The following ALG11 variants were observed in gnomAD, a reference collection of about 807,000 sequenced individuals.
The protein encoded by ALG11 is GDP-Man:Man(3)GlcNAc(2)-PP-Dol alpha-1,2-mannosyltransferase.
A neutral mutation model predicts 38.8 loss-of-function variants in ALG11; 26 were observed. The ratio of observed to expected loss-of-function variants is 0.67; its 90% CI spans 0.49 to 0.93. The LOEUF (loss-of-function observed/expected upper bound fraction) is 0.93, where lower values mean the gene tolerates loss of function less well. ALG11 is among the 40% of genes least tolerant of loss of function. The probability of loss-of-function intolerance (pLI) is 0.00; values close to 1 mark genes in which losing one functional copy is unlikely to be tolerated. For missense variants in ALG11, 535 were observed against 578.8 expected, an observed-to-expected ratio of 0.92 and a Z score of 0.78; for synonymous variants, 199 against 211.6, an observed-to-expected ratio of 0.94 and a Z score of 0.52.
intron 1 of ALG11, among the ~76,000 whole-genome samples, chr13:52,018,110 C>T (rs1042375895): frequency 6.6e-6 from 1 of 152,172 alleles, no homozygotes; most frequent in Non-Finnish European, 1.5e-5. Context: ...CATCTGAAGA[C>T]GTAATAAACT....
chr13:52,013,836 T>G lies in ALG11; in HGVS notation c.44+1374T>G, dbSNP rs563243193. On this transcript the variant is annotated intron_variant, in intron 1 of 3. Transcript: ENST00000521508. The stretch of plus-strand genomic sequence containing the variant: ...TGGACCATGCAGGTCCCAAGGCCCT[T>G]CAATGGATCCTCAACAAATCTGTTT... Among the ~76,000 whole-genome samples, 397 of 152,358 alleles carry G rather than the reference T, an allele frequency of 2.6e-3. 3 individuals carry two copies. Among genetic ancestry groups the G allele is most frequent in the South Asian group, 6.0e-3 (29 of 4,828 alleles).
chr13:52,029,077 G>C lies in ALG11; in HGVS notation c.*487G>C. 1 of 1,614,224 alleles carries C rather than the reference G, an allele frequency of 6.2e-7. No individual in the cohort carries two copies. On this transcript the variant is annotated 3_prime_UTR_variant, in exon 4 of 4. Transcript: ENST00000521508. ...AGCTGGGCCTTGCAGATCTGCTTGA[G>C]CCCGTTAAAACTTCATCTTCTTTGG...
In ALG11 at chr13:52,031,634, T is replaced by C. The variant is rs1954306718; in HGVS notation, c.*3044T>C. The C allele has an allele frequency of 5.8e-6, 1 of 171,708 alleles. No individual in the cohort carries two copies. The highest frequency in any genetic ancestry group is 1.9e-4 in the South Asian group (1 of 5,274). 10.6% of individuals were successfully genotyped at this position (171,708 alleles called of 1,614,324 possible). ...CATTCAAGAGAACCTCAGGCTGTTT[T>C]TCTGACAGTGATGATATGATATACA... On this transcript the variant is annotated 3_prime_UTR_variant, in exon 4 of 4. Coordinates refer to ENST00000521508, the MANE Select transcript of ALG11 (RefSeq NM_001004127.3).
intron 3 of ALG11, among the ~76,000 whole-genome samples, chr13:52,027,725 G>A (rs1475339726): frequency 6.6e-6 from 1 of 152,182 alleles, no homozygotes; most frequent in Non-Finnish European, 1.5e-5. Flanking sequence ...AGAAATCCAG[G>A]CAGTAACATA....
chr13:52,029,128 A>G lies in ALG11; in HGVS notation c.*538A>G. 1 of 1,614,224 alleles carries G rather than the reference A, an allele frequency of 6.2e-7. No homozygotes were observed. The highest frequency in any genetic ancestry group is 8.5e-7 in the Non-Finnish European group (1 of 1,180,038). On this transcript the variant is annotated 3_prime_UTR_variant, in exon 4 of 4. Transcript: ENST00000521508. ...CCACTGTAAAAAAGCAACTGAATAG[A>G]GTCAAATCAAAGAAGGTGGTGGAGT...
intron 2 of ALG11, 137 bp downstream of exon 2, chr13:52,019,280 G>GT: frequency 1.3e-6 from 1 of 779,578 alleles, no homozygotes; most frequent in Non-Finnish European, 1.9e-6. Flanking sequence ...GGAGTGCAGT[G>GT]GCACGATGTC....
chr13:52,016,160 C>G (rs1490346531), intron 1 of ALG11: 1 of 152,288 alleles, frequency 6.6e-6, no homozygotes, highest in Non-Finnish European at 1.5e-5. Context: ...GAACTTTGAA[C>G]TTGAAAGAGA....
In ALG11 at chr13:52,024,273, G is replaced by A. The variant is rs41292788; in HGVS notation, c.543G>A (p.Thr181=). Residue 181 remains threonine (T), a synonymous_variant, in exon 3 of 4, where the codon ACG becomes ACA. Coordinates refer to ENST00000521508, the MANE Select transcript of ALG11 (RefSeq NM_001004127.3). The stretch of plus-strand genomic sequence containing the variant: ...TTGATTCAATGGGATACGCTTTTAC[G>A]CTTCCTCTGTTTAAGTATATAGGGG... ...VYIDSMGYAF[T]LPLFKYIGGC... is the part of the protein sequence containing the mutation. 169 of 1,614,058 alleles carry A rather than the reference G, an allele frequency of 1.0e-4. No individual in the cohort carries two copies. Among genetic ancestry groups the A allele is most frequent in the Non-Finnish European group, 1.2e-4 (142 of 1,180,022 alleles).
chr13:52,025,792 G>A (rs143316600), intron 3 of ALG11, among the ~76,000 whole-genome samples: 12 of 152,338 alleles, frequency 7.9e-5, no homozygotes, highest in Non-Finnish European at 1.2e-4. Context: ...TAGGGGAAAT[G>A]AGGATAACAT....
At position 52,029,297 on chromosome 13, in the gene ALG11, C is replaced by A. The variant is rs113030884; in HGVS notation, c.*707C>A. ...GGTTTTTCCCCTGGGGAAGGAGCAG[C>A]CAGCCATTGCTCCCATTGAACATGC... is the stretch of plus-strand genomic sequence containing the variant. On this transcript the variant is annotated 3_prime_UTR_variant, in exon 4 of 4. Transcript: ENST00000521508. The A allele has an allele frequency of 6.8e-6, 11 of 1,614,168 alleles. No individual in the cohort carries two copies. The African/African-American group carries it at 8.0e-5, about 12-fold the overall frequency.
At position 52,024,767 on chromosome 13, in the gene ALG11, G is replaced by A. The variant is rs144883776; in HGVS notation, c.1037G>A (p.Arg346His). ...SLKLVLIGGC[R>H]NKDDELRVNQ... ...AAACTTGTCCTCATTGGAGGTTGTCGTAACAAAGATGATGAACTTAGGGTA... is the reference window on the plus strand; with the variant it reads ...AAACTTGTCCTCATTGGAGGTTGTCATAACAAAGATGATGAACTTAGGGTA... The change falls in exon 3 of 4, where the codon CGT (arginine) becomes CAT (histidine). Residue 346 changes from arginine (R) to histidine (H), a missense_variant. Physicochemically the swap from Arg to His is conservative, Grantham distance 29 (BLOSUM62 0). Coordinates refer to ENST00000521508, the MANE Select transcript of ALG11 (RefSeq NM_001004127.3). 75 of 1,614,080 alleles carry A rather than the reference G, an allele frequency of 4.6e-5. No individual in the cohort carries two copies. Among genetic ancestry groups the A allele is most frequent in the South Asian group, 6.6e-5 (6 of 91,086 alleles).
In ALG11 at chr13:52,029,281, C is replaced by T. The variant is rs756521491; in HGVS notation, c.*691C>T. ...AGCAGGCAGAGCAGCTGGTTTTTCC[C>T]CTGGGGAAGGAGCAGCCAGCCATTG... On this transcript the variant is annotated 3_prime_UTR_variant, in exon 4 of 4. Coordinates refer to ENST00000521508, the MANE Select transcript of ALG11 (RefSeq NM_001004127.3). The T allele has an allele frequency of 5.0e-5, 81 of 1,614,026 alleles. No individual in the cohort carries two copies. Among genetic ancestry groups the T allele is most frequent in the Middle Eastern group, 1.6e-4 (1 of 6,084 alleles).
At position 52,028,411 on chromosome 13, in the gene ALG11, A is replaced by G; in HGVS notation, c.1300A>G (p.Ile434Val). 2.5e-6 allele frequency: 4 copies of G among 1,614,226 alleles called. No homozygotes were observed. The highest frequency in any genetic ancestry group is 3.4e-6 in the Non-Finnish European group (4 of 1,180,048). Residue 434 changes from isoleucine (I) to valine (V), a missense_variant, in exon 4 of 4, where the codon ATA (isoleucine) becomes GTA (valine). Ile to Val is a conservative substitution (Grantham distance 29). Transcript: ENST00000521508. ...CATTGTGGTTCCTCACGAAGGAGATATAACTGGCTTTCTGGCTGAGAGTGA... is the reference window on the plus strand; with the variant it reads ...CATTGTGGTTCCTCACGAAGGAGATGTAACTGGCTTTCTGGCTGAGAGTGA... ...LDIVVPHEGDITGFLAESEED... is the reference protein window; with the variant it reads ...LDIVVPHEGDVTGFLAESEED...
At chr13:52,018,007 C>G (rs1954149255) in intron 1 of ALG11, among the ~76,000 whole-genome samples, 1 of 152,148 alleles carries the variant, frequency 6.6e-6, no homozygotes, top group Non-Finnish European at 1.5e-5. Context: ...AAAGGATAGG[C>G]AGAGTATGAA....
rs1408501308 is a variant in ALG11, at chr13:52,032,569, C to A, written c.*3979C>A. 6.0e-6 allele frequency: 1 copy of A among 167,038 alleles called. No homozygotes were observed. The highest frequency in any genetic ancestry group is 2.4e-5 in the African/African-American group (1 of 41,458). The allele number at this position is 167,038 out of a possible 1,614,324, so 10.3% of individuals were successfully genotyped here. ...AAACGGTATATTATTTCTTTGCAGT[C>A]TCCTCTCAGTCATTCATCAATGTGG... On this transcript the variant is annotated 3_prime_UTR_variant, in exon 4 of 4. Coordinates refer to ENST00000521508, the MANE Select transcript of ALG11 (RefSeq NM_001004127.3).
At chr13:52,019,792 G>T (rs1205916524) in intron 2 of ALG11, among the ~76,000 whole-genome samples, 1 of 152,028 alleles carries the variant, frequency 6.6e-6, no homozygotes, top group African/African-American at 2.4e-5. Flanking sequence ...AATTATCTGG[G>T]CATGGTGATG....
chr13:52,025,080 G>C (rs1301389070), intron 3 of ALG11, 143 bp downstream of exon 3: 1 of 899,342 alleles, frequency 1.1e-6, no homozygotes, highest in Admixed American at 2.0e-5. Flanking sequence ...CCTCACTTGA[G>C]ACCTTGTAAG....
chr13:52,024,038 G>A lies in ALG11; in HGVS notation c.308G>A (p.Gly103Asp), dbSNP rs773857662. The A allele has an allele frequency of 6.2e-7, 1 of 1,613,944 alleles. No individual in the cohort carries two copies. Among genetic ancestry groups the A allele is most frequent in the African/African-American group, 1.3e-5 (1 of 74,892 alleles). Residue 103 changes from glycine to aspartate, a missense_variant, in exon 3 of 4, where the codon GGC (glycine) becomes GAC (aspartate). Gly to Asp is a moderately conservative substitution (Grantham distance 94). Transcript: ENST00000521508. The part of the protein sequence containing the change: ...YPEAVYVVYT[G>D]DVNVNGQQIL... ...GAAGCAGTTTATGTTGTTTATACCG[G>A]CGATGTTAATGTCAACGGTCAACAG...
chr13:52,029,452 G>A lies in ALG11; in HGVS notation c.*862G>A, dbSNP rs1054779. On this transcript the variant is annotated 3_prime_UTR_variant, in exon 4 of 4. Coordinates refer to ENST00000521508, the MANE Select transcript of ALG11 (RefSeq NM_001004127.3). ...AGGCCTCTCTCCAAGCCATGAGCCT[G>A]GAAGAGGCAAAGATGCACCGAGCAG... 8 of 1,614,080 alleles carry A rather than the reference G, an allele frequency of 5.0e-6. No individual in the cohort carries two copies. Among genetic ancestry groups the A allele is most frequent in the Non-Finnish European group, 6.8e-6 (8 of 1,180,050 alleles).
Sources: gnomAD v4.1 joint callset for allele counts (sites outside exome capture counted in the v4.1 genomes callset) on GRCh38, gnomAD v4.1.1 for gene constraint, MANE v1.5 for transcripts, NCBI Gene and HGNC (gene_info 2026-07-23, HGNC 2026-07-21) for gene names.